The following FAAH2 variants were observed in gnomAD, a reference collection of about 807,000 sequenced individuals.
The protein encoded by FAAH2 is fatty-acid amide hydrolase 2.
In FAAH2, 60 loss-of-function variants were observed where a neutral mutation model predicts 36.9. That is an observed-to-expected ratio of 1.63 (90% CI 1.32 to 2.02). The LOEUF is 2.02. FAAH2 is among the 30% of genes most tolerant of loss of function. The probability of loss-of-function intolerance (pLI) is 0.00; values close to 1 mark genes in which losing one functional copy is unlikely to be tolerated. For missense variants in FAAH2, 689 were observed against 397.5 expected (o/e 1.73, Z -6.23); for synonymous variants, 214 against 143.8 (o/e 1.49, Z -3.49).
intron 7 of FAAH2, among the ~76,000 whole-genome samples, chrX:57,414,394 A>G (rs1192314976): frequency 1.8e-5 from 2 of 111,962 alleles, no homozygotes; most frequent in Non-Finnish European, 3.8e-5. Context: ...TGTTTAATCA[A>G]TATATAGTTT....
chrX:57,350,189 G>T (rs1157602626), intron 5 of FAAH2, among the ~76,000 whole-genome samples: 1 of 111,123 alleles, frequency 9.0e-6, no homozygotes, highest in Non-Finnish European at 1.9e-5. Flanking sequence ...TATAAATAAA[G>T]TCTTTCCCAT....
intron 9 of FAAH2, 30 bp downstream of exon 9, chrX:57,447,069 T>A (rs2056690214): frequency 9.7e-7 from 1 of 1,026,308 alleles, no homozygotes; most frequent in Non-Finnish European, 1.3e-6. Flanking sequence ...CCTAGACCAG[T>A]TTGATGTCCT....
intron 3 of FAAH2, among the ~76,000 whole-genome samples, chrX:57,324,015 G>T (rs752007433): frequency 9.0e-6 from 1 of 111,694 alleles, no homozygotes; most frequent in African/African-American, 3.3e-5. Context: ...ATTAATTTTT[G>T]TATAAGGTGT....
the FAAH2 span, among the ~76,000 whole-genome samples, chrX:57,255,017 G>C: frequency 9.0e-6 from 1 of 111,042 alleles, no homozygotes; most frequent in Non-Finnish European, 1.9e-5. Flanking sequence ...AAAATTGATA[G>C]ACCACTAGCC....
In FAAH2 at chrX:57,299,368, C is replaced by T. The variant is rs2052260900; in HGVS notation, c.275+6788C>T. Among the ~76,000 whole-genome samples, 3 of 111,900 alleles carry T rather than the reference C, an allele frequency of 2.7e-5. No homozygotes were observed. The South Asian group carries it at 1.1e-3, about 42-fold the overall frequency. On this transcript the variant is annotated intron_variant, in intron 2 of 10. Coordinates refer to ENST00000374900, the MANE Select transcript of FAAH2 (RefSeq NM_174912.4). ...AAAGACAAAAACCACATGATTATCT[C>T]AATAGATGCAGAAAAGGCCTTTGAC...
At chrX:57,420,446 A>G (rs1001541799) in intron 7 of FAAH2, among the ~76,000 whole-genome samples, 6 of 111,520 alleles carry the variant, frequency 5.4e-5, no homozygotes, top group South Asian at 7.5e-4. Context: ...ATCCCTTGTA[A>G]GTTGGATTCC....
chrX:57,180,424 G>A, the FAAH2 span, among the ~76,000 whole-genome samples: 1 of 111,012 alleles, frequency 9.0e-6, no homozygotes, highest in African/African-American at 3.3e-5. Context: ...GACTAAAGAA[G>A]TATTACCAAT....
intron 10 of FAAH2, among the ~76,000 whole-genome samples, chrX:57,453,818 G>A (rs1446569646): frequency 2.7e-5 from 3 of 111,991 alleles, no homozygotes; most frequent in Non-Finnish European, 5.6e-5. Flanking sequence ...GCCAAGCAAG[G>A]GTGAGCCCTC....
At chrX:57,273,071 T>G in the FAAH2 span, among the ~76,000 whole-genome samples, 3 of 111,945 alleles carry the variant, frequency 2.7e-5, no homozygotes, top group Admixed American at 1.9e-4. Context: ...GAGGGATACT[T>G]ATCAAGTGAA....
chrX:57,129,184 A>G, the FAAH2 span, among the ~76,000 whole-genome samples: 1 of 111,598 alleles, frequency 9.0e-6, no homozygotes, highest in Non-Finnish European at 1.9e-5. Flanking sequence ...CTTCATTCTT[A>G]TTTCATTATT....
chrX:57,480,134 A>G (rs1033856387), intron 10 of FAAH2, among the ~76,000 whole-genome samples: 2 of 111,287 alleles, frequency 1.8e-5, no homozygotes, highest in Non-Finnish European at 3.8e-5. Context: ...CTTACCAACC[A>G]AAAAGAGTCC....
chrX:57,382,571 T>C (rs761663854), intron 7 of FAAH2, among the ~76,000 whole-genome samples: 15 of 111,250 alleles, frequency 1.3e-4, no homozygotes, highest in African/African-American at 4.9e-4. Flanking sequence ...AACTAGAAAA[T>C]CTAGAAGAAA....
intron 5 of FAAH2, among the ~76,000 whole-genome samples, chrX:57,355,403 C>T (rs772757486): frequency 3.6e-5 from 4 of 110,907 alleles, no homozygotes; most frequent in South Asian, 3.7e-4. Flanking sequence ...GAGAATAAAA[C>T]ACATTTCTAA....
At chrX:57,440,027 AG>A (rs2056513501) in intron 8 of FAAH2, among the ~76,000 whole-genome samples, 1 of 111,604 alleles carries the variant, frequency 9.0e-6, no homozygotes, top group Non-Finnish European at 1.9e-5. Flanking sequence ...GTTTGAAGTC[AG>A]GCAGCGTGAT....
In FAAH2 at chrX:57,428,379, A is replaced by G. The variant is rs753017510; in HGVS notation, c.997-3539A>G. 4.6e-3 allele frequency among the ~76,000 whole-genome samples: 304 copies of G among 65,965 alleles called. 1 individual carries two copies. Among genetic ancestry groups the G allele is most frequent in the Non-Finnish European group, 9.5e-3 (213 of 22,422 alleles). The allele number at this position is 65,965 out of a possible 115,157, so 57.3% of individuals were successfully genotyped here. A position where few individuals can be genotyped will look rare whatever the true frequency, so the allele number is the denominator to read the frequency against. ...AAATACCAATGTAATTTTGCACAGA[A>G]TTAGAAAAAAATCACCAAATTCATA... On this transcript the variant is annotated intron_variant, in intron 7 of 10. Coordinates refer to ENST00000374900, the MANE Select transcript of FAAH2 (RefSeq NM_174912.4).
At chrX:57,185,711 C>T in the FAAH2 span, among the ~76,000 whole-genome samples, 3 of 109,633 alleles carry the variant, frequency 2.7e-5, no homozygotes, top group African/African-American at 3.3e-5. Flanking sequence ...CTCGCCTTTC[C>T]CCCCACCCCC....
Position 57,470,524 on chromosome X carries a change from T to C in FAAH2, c.1424-18233T>C, listed in dbSNP as rs183499937. On this transcript the variant is annotated intron_variant, in intron 10 of 10. Transcript: ENST00000374900. ...AGAAATGGATAAATTTCTGGACACA[T>C]ACACCCCCTAAGACTAAACCAGGAA... is the stretch of plus-strand genomic sequence containing the variant. Among the ~76,000 whole-genome samples the C allele has an allele frequency of 9.1e-3, 1,005 of 110,997 alleles. 10 individuals carry two copies. The highest frequency in any genetic ancestry group is 0.014 in the Non-Finnish European group (741 of 53,000).
intron 10 of FAAH2, among the ~76,000 whole-genome samples, chrX:57,479,698 A>C (rs911540343): frequency 3.6e-5 from 4 of 111,383 alleles, no homozygotes; most frequent in Admixed American, 9.6e-5. Flanking sequence ...TAGCATGAAG[A>C]GGTGTTGAAT....
chrX:57,250,947 T>C, the FAAH2 span, among the ~76,000 whole-genome samples: 1 of 111,760 alleles, frequency 8.9e-6, no homozygotes, highest in African/African-American at 3.2e-5. Context: ...AGAATTAAAA[T>C]CTATCTTCTC....
Sources: gnomAD v4.1 joint callset for allele counts (sites outside exome capture counted in the v4.1 genomes callset) on GRCh38, gnomAD v4.1.1 for gene constraint, MANE v1.5 for transcripts, NCBI Gene and HGNC (gene_info 2026-07-23, HGNC 2026-07-21) for gene names.